Variants in DLG2 observed in about 807,000 individuals in gnomAD.
The protein encoded by DLG2 is discs large MAGUK scaffold protein 2.
A neutral mutation model predicts 132.5 loss-of-function variants in DLG2; 45 were observed. That is an observed-to-expected ratio of 0.34 (90% CI 0.27 to 0.44). The LOEUF is 0.44. Among genes scored for constraint, DLG2 ranks in the 20% least tolerant of loss-of-function variants. The pLI, the probability that DLG2 is intolerant of heterozygous loss-of-function variation, is 1.00. For synonymous variants in DLG2, 424 were observed against 419.6 expected, an observed-to-expected ratio of 1.01 and a Z score of -0.13; for missense variants, 1,045 against 1,196.9, an observed-to-expected ratio of 0.87 and a Z score of 1.87.
At chr11:85,034,569 A>G (rs1048571994) in intron 6 of DLG2, among the ~76,000 whole-genome samples, 1 of 152,216 alleles carries the variant, frequency 6.6e-6, no homozygotes, top group African/African-American at 2.4e-5. Context: ...GAGGCTGGAC[A>G]GAATTCCTTT....
At chr11:85,440,992 A>T (rs920402234) in intron 3 of DLG2, among the ~76,000 whole-genome samples, 3 of 152,136 alleles carry the variant, frequency 2.0e-5, no homozygotes, top group Non-Finnish European at 2.9e-5. Flanking sequence ...GAGCATTTTG[A>T]TATTTGGGCA....
intron 6 of DLG2, among the ~76,000 whole-genome samples, chr11:84,867,271 G>A (rs553595575): frequency 9.2e-5 from 14 of 152,298 alleles, no homozygotes; most frequent in Middle Eastern, 6.8e-3. Context: ...ATTTGAACAC[G>A]TGCTGGAAGT....
rs2089327918 is a variant in DLG2 at position 83,458,400 on chromosome 11, C to G, written c.*1418G>C. 1 of 152,558 alleles carries G rather than the reference C, an allele frequency of 6.6e-6. No homozygotes were observed. The highest frequency in any genetic ancestry group is 2.4e-5 in the African/African-American group (1 of 41,430). 9.5% of individuals were successfully genotyped at this position (152,558 alleles called of 1,614,324 possible). ...AAGAAAGGCAGTTCAGTTGGTTGAG[C>G]TCAAAGTCATTAATTGTCTTTCCTT... On this transcript the variant is annotated 3_prime_UTR_variant, in exon 28 of 28. Transcript: ENST00000376104.
chr11:84,362,556 T>G (rs2098655825), intron 7 of DLG2, among the ~76,000 whole-genome samples: 1 of 152,052 alleles, frequency 6.6e-6, no homozygotes, highest in African/African-American at 2.4e-5. Context: ...ATGTGCACAA[T>G]GTGCAGGTTA....
chr11:84,384,258 C>G (rs1323643582), intron 7 of DLG2, among the ~76,000 whole-genome samples: 1 of 151,274 alleles, frequency 6.6e-6, no homozygotes, highest in Non-Finnish European at 1.5e-5. Context: ...ATAGGAAAAC[C>G]AAACAGGGCT....
At chr11:84,019,433 A>G (rs1163866372) in intron 11 of DLG2, among the ~76,000 whole-genome samples, 1 of 152,166 alleles carries the variant, frequency 6.6e-6, no homozygotes, top group Non-Finnish European at 1.5e-5. Context: ...TTTCTCTACA[A>G]AATAACAGAT....
intron 3 of DLG2, among the ~76,000 whole-genome samples, chr11:85,419,431 T>C (rs964243037): frequency 2.0e-5 from 3 of 152,226 alleles, no homozygotes; most frequent in African/African-American, 4.8e-5. Context: ...GGAGTATCTT[T>C]GTGGTGTTCT....
chr11:85,627,163 G>T (rs892073773), intron 1 of DLG2, 55 bp downstream of exon 1: 1 of 152,162 alleles, frequency 6.6e-6, no homozygotes, highest in Non-Finnish European at 1.5e-5. Flanking sequence ...TTCTGTGGCA[G>T]AACACACATT....
chr11:83,581,388 TA>T (rs1373117303), intron 19 of DLG2, among the ~76,000 whole-genome samples: 1 of 152,206 alleles, frequency 6.6e-6, no homozygotes, highest in Non-Finnish European at 1.5e-5. Flanking sequence ...ATTACACTGT[TA>T]ATCAAAGAGC....
chr11:85,252,805 A>G lies in DLG2; in HGVS notation c.186+32415T>C, dbSNP rs1489131750. On this transcript the variant is annotated intron_variant, in intron 4 of 27. Transcript: ENST00000376104. ...GAAAGGAAAAAAATACACTGGCAAA[A>G]AGAGCAAAACATATGTATTTTAAAG... is the stretch of plus-strand genomic sequence containing the variant. 3.3e-5 allele frequency among the ~76,000 whole-genome samples: 5 copies of G among 152,226 alleles called. No individual in the cohort carries two copies. The East Asian group carries it at 5.8e-4, about 18-fold the overall frequency.
Position 84,413,435 on chromosome 11 carries a change from G to T in DLG2, c.519+121135C>A, listed in dbSNP as rs142394646. 3.9e-3 allele frequency among the ~76,000 whole-genome samples: 589 copies of T among 152,290 alleles called. 1 individual carries two copies. Among genetic ancestry groups the T allele is most frequent in the African/African-American group, 0.014 (564 of 41,560 alleles). Reference sequence around the variant, plus strand: ...TGAGTTGCTGTTGCATTTGAAGAATGCCAGGCAGCCTTGAGAGGTTAAAAT... The same window carrying T: ...TGAGTTGCTGTTGCATTTGAAGAATTCCAGGCAGCCTTGAGAGGTTAAAAT... On this transcript the variant is annotated intron_variant, in intron 7 of 27. Coordinates refer to ENST00000376104, the MANE Select transcript of DLG2 (RefSeq NM_001142699.3).
chr11:83,748,496 C>T (rs529570410), intron 18 of DLG2, among the ~76,000 whole-genome samples: 1 of 152,270 alleles, frequency 6.6e-6, no homozygotes, highest in East Asian at 1.9e-4. Context: ...GTCCCACTTC[C>T]TACTCAAAAT....
At chr11:84,111,396 C>T (rs1396719034) in intron 9 of DLG2, among the ~76,000 whole-genome samples, 1 of 152,132 alleles carries the variant, frequency 6.6e-6, no homozygotes, top group African/African-American at 2.4e-5. Flanking sequence ...GTGAGAGAGA[C>T]ACTATTCACA....
At chr11:85,017,949 C>T (rs529044931) in intron 6 of DLG2, among the ~76,000 whole-genome samples, 6 of 152,228 alleles carry the variant, frequency 3.9e-5, no homozygotes, top group Non-Finnish European at 7.4e-5. Flanking sequence ...ATAAGGAACA[C>T]GGGGCCTTCA....
rs185892257 is a variant in DLG2 at position 84,869,240 on chromosome 11, C to T, written c.357+242421G>A. ...CTTTATAGGCTGGAAATAGTCATTACGTGGTAGCTACTGAGTGATCTGTGG... is the reference window on the plus strand; with the variant it reads ...CTTTATAGGCTGGAAATAGTCATTATGTGGTAGCTACTGAGTGATCTGTGG... On this transcript the variant is annotated intron_variant, in intron 6 of 27. Transcript: ENST00000376104. Among the ~76,000 whole-genome samples the T allele has an allele frequency of 2.3e-3, 349 of 152,266 alleles. 5 individuals are homozygous for T. The highest frequency in any genetic ancestry group is 8.0e-3 in the African/African-American group (333 of 41,568).
intron 3 of DLG2, among the ~76,000 whole-genome samples, chr11:85,439,361 T>C (rs796156765): frequency 6.6e-5 from 10 of 151,372 alleles, no homozygotes; most frequent in African/African-American, 2.2e-4. Context: ...TCAGCATTTT[T>C]TTTTTTTTTT....
chr11:84,370,698 G>A (rs2098702602), intron 7 of DLG2, among the ~76,000 whole-genome samples: 1 of 152,086 alleles, frequency 6.6e-6, no homozygotes, highest in African/African-American at 2.4e-5. Flanking sequence ...ACTATTTCTG[G>A]AAAGCAGTGT....
intron 18 of DLG2, among the ~76,000 whole-genome samples, chr11:83,666,688 C>A (rs1468376501): frequency 6.6e-6 from 1 of 152,162 alleles, no homozygotes; most frequent in African/African-American, 2.4e-5. Context: ...CTTGAAACAG[C>A]TTAATTATAA....
chr11:84,507,860 G>A (rs1044611368), intron 7 of DLG2, among the ~76,000 whole-genome samples: 1 of 152,068 alleles, frequency 6.6e-6, no homozygotes, highest in Non-Finnish European at 1.5e-5. Flanking sequence ...ATGTGCTGCT[G>A]GATTCAGTTT....
Sources: allele counts gnomAD v4.1 joint callset (sites outside exome capture counted in the v4.1 genomes callset), GRCh38; gene constraint gnomAD v4.1.1; transcripts MANE v1.5; gene names NCBI Gene and HGNC (gene_info 2026-07-23, HGNC 2026-07-21).